Variants in CPED1 observed in about 807,000 individuals in gnomAD.
CPED1 encodes the protein cadherin-like and PC-esterase domain-containing protein 1.
A neutral mutation model predicts 128.2 loss-of-function variants in CPED1; 114 were observed. That is an observed-to-expected ratio of 0.89 (90% CI 0.76 to 1.04). The LOEUF is 1.04. Ranked by LOEUF, CPED1 falls within the 50% of genes least tolerant of loss-of-function variation. The pLI, the probability that CPED1 is intolerant of heterozygous loss-of-function variation, is 0.00. For missense variants in CPED1, 1,211 were observed against 1,207.1 expected, an observed-to-expected ratio of 1.00 and a Z score of -0.05; for synonymous variants, 462 against 426.7, an observed-to-expected ratio of 1.08 and a Z score of -1.02.
At chr7:121,028,384 A>C (rs1183821969) in intron 3 of CPED1, among the ~76,000 whole-genome samples, 1 of 152,160 alleles carries the variant, frequency 6.6e-6, no homozygotes, top group Non-Finnish European at 1.5e-5. Context: ...ACAATTCCTC[A>C]TTTGCCTTGC....
chr7:121,163,425 A>C (rs1326992132), intron 16 of CPED1, among the ~76,000 whole-genome samples: 5 of 152,200 alleles, frequency 3.3e-5, no homozygotes. Flanking sequence ...GAATCAAGGG[A>C]AACAGGAGGA....
intron 16 of CPED1, among the ~76,000 whole-genome samples, chr7:121,152,156 GC>G (rs1465538096): frequency 1.3e-5 from 2 of 152,050 alleles, no homozygotes; most frequent in Non-Finnish European, 2.9e-5. Context: ...CCTACCCAGT[GC>G]CCTCCAGCTC....
At chr7:121,135,954 T>C (rs1795774374) in intron 13 of CPED1, 86 bp from the exon 14 acceptor site, 4 of 1,046,578 alleles carry the variant, frequency 3.8e-6, no homozygotes, top group African/African-American at 3.2e-5. Context: ...AAACATGTTT[T>C]ATTAAGTTAT....
intron 5 of CPED1, chr7:121,076,486 G>C (rs564199794): frequency 6.6e-6 from 1 of 152,230 alleles, no homozygotes; most frequent in Non-Finnish European, 1.5e-5. Flanking sequence ...TTTCTTATGT[G>C]GTTGGTTGAT....
intron 16 of CPED1, among the ~76,000 whole-genome samples, chr7:121,208,662 T>G (rs1797574717): frequency 6.6e-6 from 1 of 152,062 alleles, no homozygotes; most frequent in Non-Finnish European, 1.5e-5. Flanking sequence ...ACTAATAATA[T>G]TAGATCTGAA....
chr7:121,113,200 C>A (rs1795153733), intron 7 of CPED1, among the ~76,000 whole-genome samples: 1 of 152,144 alleles, frequency 6.6e-6, no homozygotes, highest in Non-Finnish European at 1.5e-5. Flanking sequence ...TCATTCACAG[C>A]TAATTCAACT....
chr7:121,175,952 A>G (rs1796766222), intron 16 of CPED1, among the ~76,000 whole-genome samples: 2 of 152,076 alleles, frequency 1.3e-5, no homozygotes, highest in East Asian at 1.9e-4. Flanking sequence ...TTTTTCAGAG[A>G]AACAGTGGCA....
At chr7:121,029,406 T>G (rs1334567004) in intron 3 of CPED1, among the ~76,000 whole-genome samples, 1 of 152,222 alleles carries the variant, frequency 6.6e-6, no homozygotes, top group Non-Finnish European at 1.5e-5. Flanking sequence ...TGTTGTTCTA[T>G]GGAAGTATAG....
At chr7:121,032,631 A>G (rs1168181448) in intron 3 of CPED1, among the ~76,000 whole-genome samples, 3 of 152,098 alleles carry the variant, frequency 2.0e-5, no homozygotes, top group Non-Finnish European at 2.9e-5. Flanking sequence ...ACAGGTTGAT[A>G]GGTGTAGCAA....
At chr7:121,201,403 G>C (rs1797393630) in intron 16 of CPED1, among the ~76,000 whole-genome samples, 1 of 151,630 alleles carries the variant, frequency 6.6e-6, no homozygotes. Context: ...CTGCACTCCA[G>C]CCTGGGCAAA....
intron 18 of CPED1, among the ~76,000 whole-genome samples, chr7:121,246,596 T>C (rs1198776827): frequency 6.6e-6 from 1 of 152,228 alleles, no homozygotes; most frequent in Non-Finnish European, 1.5e-5. Flanking sequence ...TATGACCTTA[T>C]CTAAACGTAA....
chr7:121,163,502 G>GGCT (rs1186741708), intron 16 of CPED1, among the ~76,000 whole-genome samples: 1 of 152,236 alleles, frequency 6.6e-6, no homozygotes, highest in Non-Finnish European at 1.5e-5. Flanking sequence ...AGAGCCTACA[G>GGCT]GCTGCTGCTT....
intron 16 of CPED1, among the ~76,000 whole-genome samples, chr7:121,198,849 G>A (rs558557981): frequency 1.8e-4 from 28 of 152,270 alleles, no homozygotes; most frequent in Admixed American, 6.5e-4. Context: ...AGTTATTTCT[G>A]AGCCTGTTAC....
At chr7:121,229,530 A>G (rs1035321069) in intron 16 of CPED1, among the ~76,000 whole-genome samples, 3 of 151,978 alleles carry the variant, frequency 2.0e-5, no homozygotes, top group Non-Finnish European at 4.4e-5. Flanking sequence ...AGGTCCTTGT[A>G]ATGGGAAACC....
chr7:121,227,971 A>G (rs1798053821), intron 16 of CPED1, among the ~76,000 whole-genome samples: 1 of 152,040 alleles, frequency 6.6e-6, no homozygotes, highest in Non-Finnish European at 1.5e-5. Context: ...TAATTGGCAG[A>G]CTACTTAAGA....
chr7:121,151,091 C>T (rs1202139411), intron 16 of CPED1, among the ~76,000 whole-genome samples: 1 of 152,094 alleles, frequency 6.6e-6, no homozygotes, highest in Non-Finnish European at 1.5e-5. Flanking sequence ...ATATTTTTGG[C>T]TTTATCAAAC....
At chr7:121,244,953 C>T (rs545466973) in intron 18 of CPED1, among the ~76,000 whole-genome samples, 2 of 152,130 alleles carry the variant, frequency 1.3e-5, no homozygotes, top group African/African-American at 4.8e-5. Context: ...TAGAGTCTGG[C>T]AGAACTCTCG....
intron 12 of CPED1, 68 bp downstream of exon 12, chr7:121,130,362 G>C: frequency 7.3e-7 from 1 of 1,370,952 alleles, no homozygotes; most frequent in South Asian, 1.4e-5. Context: ...ATTTCAAAAG[G>C]CTTTGCCTAT....
chr7:121,215,466 AG>A (rs1797739890), intron 16 of CPED1, among the ~76,000 whole-genome samples: 1 of 152,136 alleles, frequency 6.6e-6, no homozygotes. Context: ...TTAGATTCCA[AG>A]GCCAGGGAAA....
Sources: gnomAD v4.1 joint callset for allele counts (sites outside exome capture counted in the v4.1 genomes callset) on GRCh38, gnomAD v4.1.1 for gene constraint, MANE v1.5 for transcripts, NCBI Gene and HGNC (gene_info 2026-07-23, HGNC 2026-07-21) for gene names.